MESP1: variants seen among roughly 807,000 people sequenced by gnomAD.
MESP1 encodes the protein mesoderm posterior bHLH transcription factor 1.
A neutral mutation model predicts 15.2 loss-of-function variants in MESP1; 22 were observed. The observed-to-expected ratio is 1.45, with a 90% CI of 1.04 to 2.07. The LOEUF is 2.07. Ranked by LOEUF, MESP1 falls within the 30% of genes most tolerant of loss-of-function variation. MESP1 has a pLI of 0.00. For missense variants in MESP1, 484 were observed against 411.9 expected, an observed-to-expected ratio of 1.17 and a Z score of -1.51; for synonymous variants, 216 against 192.6, an observed-to-expected ratio of 1.12 and a Z score of -1.01.
At chr15:89,736,240 C>A in the MESP1 span, among the ~76,000 whole-genome samples, 1 of 152,182 alleles carries the variant, frequency 6.6e-6, no homozygotes, top group African/African-American at 2.4e-5. Flanking sequence ...GAAGCGTGCG[C>A]GGTTGATCCT....
chr15:89,740,642 C>T, the MESP1 span, among the ~76,000 whole-genome samples: 1 of 151,964 alleles, frequency 6.6e-6, no homozygotes, highest in Admixed American at 6.6e-5. Flanking sequence ...GCTGGGATTA[C>T]AGGCATGCGC....
chr15:89,747,718 C>T (rs1450557729), downstream of MESP1, among the ~76,000 whole-genome samples: 3 of 152,232 alleles, frequency 2.0e-5, no homozygotes, highest in Non-Finnish European at 4.4e-5. Flanking sequence ...GTCCAGATCC[C>T]AACACTGCCA....
At chr15:89,740,759 G>C in the MESP1 span, among the ~76,000 whole-genome samples, 1 of 152,018 alleles carries the variant, frequency 6.6e-6, no homozygotes, top group South Asian at 2.1e-4. Flanking sequence ...GCCTCGGCCT[G>C]CCAAAGTGGT....
the MESP1 span, chr15:89,743,408 G>A: frequency 1.2e-6 from 2 of 1,613,616 alleles, no homozygotes; most frequent in Non-Finnish European, 1.7e-6. Context: ...CACCGCCCTG[G>A]GATCTCTGAA....
the MESP1 span, chr15:89,743,239 G>C: frequency 3.1e-6 from 5 of 1,594,108 alleles, no homozygotes; most frequent in Middle Eastern, 3.3e-4. Context: ...TGGGGGCTCG[G>C]GAGCTGGGGA....
At position 89,750,041 on chromosome 15, in the gene MESP1, C is replaced by CCCGTG; in HGVS notation, c.*98_*102dup. 8.5e-7 allele frequency: 1 copy of CCCGTG among 1,171,476 alleles called. No homozygotes were observed. The highest frequency in any genetic ancestry group is 1.5e-5 in the African/African-American group (1 of 66,486). The allele number at this position is 1,171,476 out of a possible 1,614,324, so 72.6% of individuals were successfully genotyped here. A position where few individuals can be genotyped will look rare whatever the true frequency, so the allele number is the denominator to read the frequency against. ...CGCAGGAATGCCCCCGTCGGGATCG[C>CCCGTG]CCGTGCCCTCTTCCAGGAAAGGCAG... On this transcript the variant is annotated 3_prime_UTR_variant, in exon 2 of 2. Transcript: ENST00000300057.
the MESP1 span, among the ~76,000 whole-genome samples, chr15:89,734,837 T>C: frequency 6.6e-6 from 1 of 151,684 alleles, no homozygotes; most frequent in Admixed American, 6.6e-5. Flanking sequence ...GAACAAAAAT[T>C]ATTAAAAAAA....
downstream of MESP1, among the ~76,000 whole-genome samples, chr15:89,747,327 GC>G (rs1018454649): frequency 1.3e-5 from 2 of 152,306 alleles, no homozygotes; most frequent in African/African-American, 4.8e-5. Context: ...GCGGCCCTGA[GC>G]CCAAATTTTA....
chr15:89,748,543 T>C (rs1968018182), downstream of MESP1: 1 of 152,220 alleles, frequency 6.6e-6, no homozygotes, highest in African/African-American at 2.4e-5. Flanking sequence ...CCAACTGTCA[T>C]GTAGCTGAAC....
At chr15:89,738,117 C>T in the MESP1 span, 4,212 of 1,614,112 alleles carry the variant, frequency 2.6e-3, 85 homozygotes, top group African/African-American at 0.047. Flanking sequence ...ATTTTGAGGC[C>T]TGCCCACTCC....
rs527894953 is a variant in MESP1, at chr15:89,750,387, A to C, written c.723+122T>G. On this transcript the variant is annotated intron_variant, in intron 1 of 1. Transcript: ENST00000300057. ...CGCTTCTTGGAGCCCTGGGCATACTATGGTGGCCAGGTGGCCAGGCTGCCG... is the reference window on the plus strand; with the variant it reads ...CGCTTCTTGGAGCCCTGGGCATACTCTGGTGGCCAGGTGGCCAGGCTGCCG... The C allele has an allele frequency of 6.0e-5, 87 of 1,458,824 alleles. No homozygotes were observed. The African/African-American group carries it at 1.1e-3, about 19-fold the overall frequency. 90.4% of individuals were successfully genotyped at this position (1,458,824 alleles called of 1,614,324 possible).
At chr15:89,745,086 G>A (rs1967903196), downstream of MESP1, among the ~76,000 whole-genome samples, 1 of 152,174 alleles carries the variant, frequency 6.6e-6, no homozygotes, top group South Asian at 2.1e-4. The surrounding 1 kb of genome is among the most constrained non-coding windows in gnomAD (Gnocchi z 4.8). Flanking sequence ...GGGCCATGAG[G>A]GAGGAAGGCA....
chr15:89,743,206 C>A, the MESP1 span: 1 of 1,315,938 alleles, frequency 7.6e-7, no homozygotes, highest in South Asian at 1.2e-5. Context: ...CTCATAGGAG[C>A]ACAGGGTAGT....
chr15:89,751,011 G>T lies in MESP1; in HGVS notation c.221C>A (p.Ala74Glu). 2.9e-6 allele frequency: 4 copies of T among 1,362,974 alleles called. No individual in the cohort carries two copies. The highest frequency in any genetic ancestry group is 3.8e-6 in the Non-Finnish European group (4 of 1,065,714). 84.4% of individuals were successfully genotyped at this position (1,362,974 alleles called of 1,614,324 possible). ...PRAPSVGRRG[A>E]RSSRLGSGQR... ...CCCGCTGCCCAGGCGGCTGCTGCGC[G>T]CGCCGCGCCTACCTACGGAGGGGGC... is the stretch of plus-strand genomic sequence containing the variant. Residue 74 changes from alanine to glutamate, a missense_variant, in exon 1 of 2, where the codon GCG (alanine) becomes GAG (glutamate). By Grantham distance (107) the Ala-to-Glu change is moderately radical. Coordinates refer to ENST00000300057, the MANE Select transcript of MESP1 (RefSeq NM_018670.4).
chr15:89,735,291 C>T, the MESP1 span, among the ~76,000 whole-genome samples: 9 of 152,312 alleles, frequency 5.9e-5, 1 homozygote, highest in East Asian at 9.6e-4. Context: ...TATTATATTT[C>T]ATTGTATAAG....
rs1381633391 is a variant in MESP1 at position 89,749,967 on chromosome 15, A to G, written c.*177T>C. The G allele has an allele frequency of 1.2e-5, 8 of 643,568 alleles. No individual in the cohort carries two copies. Among genetic ancestry groups the G allele is most frequent in the Non-Finnish European group, 1.7e-5 (6 of 354,534 alleles). 39.9% of individuals were successfully genotyped at this position (643,568 alleles called of 1,614,324 possible). A position where few individuals can be genotyped will look rare whatever the true frequency, so the allele number is the denominator to read the frequency against. On this transcript the variant is annotated 3_prime_UTR_variant, in exon 2 of 2. Coordinates refer to ENST00000300057, the MANE Select transcript of MESP1 (RefSeq NM_018670.4). ...AGTGTCTAGCCCTATGGGTCCCTCC[A>G]TGGAGGGAGGGGCTGAGAAGGGCCG... is the stretch of plus-strand genomic sequence containing the variant.
the MESP1 span, chr15:89,743,378 A>G: frequency 1.9e-6 from 3 of 1,614,126 alleles, no homozygotes; most frequent in East Asian, 6.7e-5. Context: ...CAGAGAGAGA[A>G]CTTCAAGAAG....
chr15:89,739,115 CAAAA>C, the MESP1 span, among the ~76,000 whole-genome samples: 13 of 127,202 alleles, frequency 1.0e-4, no homozygotes, highest in Admixed American at 2.5e-4. Context: ...GACCCTGCCT[CAAAA>C]AAAAAAAAAA....
chr15:89,750,946 G>C lies in MESP1; in HGVS notation c.286C>G (p.Arg96Gly). 1 of 1,450,386 alleles carries C rather than the reference G, an allele frequency of 6.9e-7. No individual in the cohort carries two copies. Among genetic ancestry groups the C allele is most frequent in the Non-Finnish European group, 9.0e-7 (1 of 1,105,620 alleles). 89.8% of individuals were successfully genotyped at this position (1,450,386 alleles called of 1,614,324 possible). The change falls in exon 1 of 2, where the codon CGC becomes GGC. Residue 96 changes from arginine (R) to glycine (G), a missense_variant. By Grantham distance (125) the Arg-to-Gly change is moderately radical. Transcript: ENST00000300057. ...TCGTGCAGGGCGCGGGCCAGCGTGCGCATGCGCAGTTTCTCCCGCTCACTG... is the reference window on the plus strand; with the variant it reads ...TCGTGCAGGGCGCGGGCCAGCGTGCCCATGCGCAGTTTCTCCCGCTCACTG... ...SASEREKLRMRTLARALHELR... is the reference protein window; with the variant it reads ...SASEREKLRMGTLARALHELR...
Sources: allele counts gnomAD v4.1 joint callset (sites outside exome capture counted in the v4.1 genomes callset), GRCh38; gene constraint gnomAD v4.1.1; non-coding constraint Gnocchi (gnomAD v3.1); transcripts MANE v1.5; gene names NCBI Gene and HGNC (gene_info 2026-07-23, HGNC 2026-07-21).